MAD1L1: variants seen among roughly 807,000 people sequenced by gnomAD.
The protein encoded by MAD1L1 is mitotic arrest deficient 1 like 1.
A neutral mutation model predicts 96.9 loss-of-function variants in MAD1L1; 95 were observed. The ratio of observed to expected loss-of-function variants is 0.98; its 90% confidence interval spans 0.83 to 1.16. MAD1L1 has a LOEUF of 1.16. Ranked by LOEUF, MAD1L1 falls within the 50% of genes most tolerant of loss-of-function variation. The pLI is 0.00. For missense variants in MAD1L1, 1,007 were observed against 954.4 expected (o/e 1.06, Z -0.73); for synonymous variants, 473 against 396.6 (o/e 1.19, Z -2.29).
chr7:1,845,333 G>C (rs763637039), intron 18 of MAD1L1: 5 of 152,332 alleles, frequency 3.3e-5, no homozygotes, highest in Non-Finnish European at 7.3e-5. Flanking sequence ...TGACCTTGGT[G>C]TGTTACAGCC....
At chr7:2,164,598 G>C (rs1229737858) in intron 10 of MAD1L1, among the ~76,000 whole-genome samples, 40 of 149,298 alleles carry the variant, frequency 2.7e-4, no homozygotes, top group African/African-American at 9.2e-4. Context: ...AAAAATGGGG[G>C]GGGGGGGGGT....
chr7:2,151,654 G>A (rs1789577011), intron 10 of MAD1L1, among the ~76,000 whole-genome samples: 2 of 152,252 alleles, frequency 1.3e-5, no homozygotes, highest in African/African-American at 4.8e-5. Context: ...TGGGAGCTGG[G>A]GTAAGATCTC....
intron 10 of MAD1L1, among the ~76,000 whole-genome samples, chr7:2,199,551 C>G (rs1425334629): frequency 6.6e-6 from 1 of 152,268 alleles, no homozygotes; most frequent in Admixed American, 6.5e-5. Flanking sequence ...AATCACTCTG[C>G]TACACGGATG....
Position 2,230,079 on chromosome 7 carries a change from T to A in MAD1L1, c.55A>T (p.Asn19Tyr), listed in dbSNP as rs1223747452. The A allele has an allele frequency of 6.2e-7, 1 of 1,611,978 alleles. No individual in the cohort carries two copies. Among genetic ancestry groups the A allele is most frequent in the Non-Finnish European group, 8.5e-7 (1 of 1,179,130 alleles). ...CCCTCCACACGCTGAGAGATGAAGTTGTTCAAAGATCTCAGGGTGGATAAA... is the reference window on the plus strand; with the variant it reads ...CCCTCCACACGCTGAGAGATGAAGTAGTTCAAAGATCTCAGGGTGGATAAA... Reference protein sequence around the residue: ...MVLSTLRSLNNFISQRVEGGS... With the variant: ...MVLSTLRSLNYFISQRVEGGS... The change falls in exon 3 of 19, where the codon AAC (asparagine) becomes TAC (tyrosine). Residue 19 changes from asparagine (N) to tyrosine (Y), a missense_variant. Coordinates refer to ENST00000265854, the MANE Select transcript of MAD1L1 (RefSeq NM_001013836.2).
At chr7:2,210,450 T>TGCGGCATGAGCACCACCCCA (rs1562375185) in intron 10 of MAD1L1, among the ~76,000 whole-genome samples, 2 of 134,832 alleles carry the variant, frequency 1.5e-5, no homozygotes, top group Non-Finnish European at 3.3e-5. Context: ...TCCCGTGGAC[T>TGCGGCATGAGCACCACCCCA]CTCTAGGAGC....
Position 2,008,054 on chromosome 7 carries a change from G to A in MAD1L1, c.1360-5933C>T, listed in dbSNP as rs538841786. On this transcript the variant is annotated intron_variant, in intron 13 of 18. Transcript: ENST00000265854. ...CAGACCGGTGTCTCTACGAGCCAGGGGTGGCAGGAAACTGACGGTCAACAT... is the reference window on the plus strand; with the variant it reads ...CAGACCGGTGTCTCTACGAGCCAGGAGTGGCAGGAAACTGACGGTCAACAT... Among the ~76,000 whole-genome samples the A allele has an allele frequency of 3.3e-5, 5 of 152,318 alleles. No homozygotes were observed. In the South Asian group the frequency reaches 1.0e-3, roughly 32 times the overall value.
intron 12 of MAD1L1, among the ~76,000 whole-genome samples, chr7:2,060,504 A>C (rs1784611490): frequency 6.8e-6 from 1 of 147,566 alleles, no homozygotes. Flanking sequence ...GCCGAGACCG[A>C]GATAACGCTA....
At chr7:2,160,495 G>A (rs983754929) in intron 10 of MAD1L1, among the ~76,000 whole-genome samples, 12 of 151,668 alleles carry the variant, frequency 7.9e-5, no homozygotes, top group African/African-American at 2.7e-4. Context: ...ACCATGCCCA[G>A]CTAATTTTTC....
intron 17 of MAD1L1, among the ~76,000 whole-genome samples, chr7:1,900,397 C>T (rs916111516): frequency 6.6e-6 from 1 of 152,212 alleles, no homozygotes; most frequent in Admixed American, 6.5e-5. Flanking sequence ...GGGATGGCAG[C>T]ATTGGCACTG....
At position 2,103,736 on chromosome 7, in the gene MAD1L1, C is replaced by T. The variant is rs1786940567; in HGVS notation, c.1074-34398G>A. On this transcript the variant is annotated intron_variant, in intron 11 of 18. Coordinates refer to ENST00000265854, the MANE Select transcript of MAD1L1 (RefSeq NM_001013836.2). The surrounding 1 kb of genome is among the most constrained non-coding windows in gnomAD (Gnocchi z 4.3). ...AGGGCAGGTGCTGTCCTCCTCCCTG[C>T]CCAGATCCCAGCAGTGTGGCATAAG... Among the ~76,000 whole-genome samples, 1 of 152,194 alleles carries T rather than the reference C, an allele frequency of 6.6e-6. No homozygotes were observed. The highest frequency in any genetic ancestry group is 2.4e-5 in the African/African-American group (1 of 41,448).
chr7:1,831,049 C>G (rs1288849978), intron 18 of MAD1L1, among the ~76,000 whole-genome samples: 1 of 152,288 alleles, frequency 6.6e-6, no homozygotes, highest in East Asian at 1.9e-4. Context: ...GAAGCAGATA[C>G]AGCGTGCTCA....
Position 2,205,815 on chromosome 7 carries a change from C to CCA in MAD1L1, c.986+7396_986+7397insTG, listed in dbSNP as rs567887531. Reference sequence around the variant, plus strand: ...ATCTTTTCATGTCCTTATTTACCACCTATATATCTTCTCTTGTAAAGTATC... The same window carrying CCA: ...ATCTTTTCATGTCCTTATTTACCACCCATATATATCTTCTCTTGTAAAGTATC... On this transcript the variant is annotated intron_variant, in intron 10 of 18. Transcript: ENST00000265854. Among the ~76,000 whole-genome samples the CCA allele has an allele frequency of 4.3e-3, 658 of 152,298 alleles. 8 individuals are homozygous for CCA. The highest frequency in any genetic ancestry group is 0.015 in the African/African-American group (622 of 41,564).
intron 15 of MAD1L1, among the ~76,000 whole-genome samples, chr7:1,978,771 C>G (rs1583979050): frequency 6.6e-6 from 1 of 152,206 alleles, no homozygotes; most frequent in East Asian, 1.9e-4. Flanking sequence ...GTCCCCGAGA[C>G]ATGGAGACGC....
At position 2,008,174 on chromosome 7, in the gene MAD1L1, G is replaced by A. The variant is rs1782121488; in HGVS notation, c.1360-6053C>T. On this transcript the variant is annotated intron_variant, in intron 13 of 18. Transcript: ENST00000265854. ...TAAAACATGGAATCCCCAGAGCTCG[G>A]GGAGAACCACACTCACAAGGGCGAG... Among the ~76,000 whole-genome samples, 4 of 152,320 alleles carry A rather than the reference G, an allele frequency of 2.6e-5. No individual in the cohort carries two copies. In the South Asian group the frequency reaches 8.3e-4, roughly 32 times the overall value.
chr7:2,048,560 T>C (rs1348983635), intron 12 of MAD1L1, among the ~76,000 whole-genome samples: 2 of 152,202 alleles, frequency 1.3e-5, no homozygotes, highest in Non-Finnish European at 2.9e-5. Flanking sequence ...TGAATGGTAA[T>C]AAGCATCAAC....
chr7:2,042,219 G>A lies in MAD1L1; in HGVS notation c.1218+26975C>T, dbSNP rs955038286. ...CATGGACACAGACACGCACACAGAC[G>A]TGCACACACAAGCGCATGCGCACAC... On this transcript the variant is annotated intron_variant, in intron 12 of 18. Transcript: ENST00000265854. Among the ~76,000 whole-genome samples the A allele has an allele frequency of 8.7e-4, 111 of 127,678 alleles. 2 individuals are homozygous for A. Among genetic ancestry groups the A allele is most frequent in the Admixed American group, 8.1e-3 (106 of 13,134 alleles). 83.8% of individuals were successfully genotyped at this position (127,678 alleles called of 152,430 possible).
At chr7:2,110,570 T>G (rs1787328395) in intron 11 of MAD1L1, among the ~76,000 whole-genome samples, 1 of 152,180 alleles carries the variant, frequency 6.6e-6, no homozygotes, top group South Asian at 2.1e-4. Context: ...CTGGAGTGAC[T>G]CAGACGTGCG....
At chr7:2,167,552 A>AAT (rs1562748633) in intron 10 of MAD1L1, among the ~76,000 whole-genome samples, 18 of 150,672 alleles carry the variant, frequency 1.2e-4, no homozygotes, top group African/African-American at 4.4e-4. Flanking sequence ...CCGTCTCAAA[A>AAT]AATAATAATA....
chr7:1,922,591 G>C (rs1788860701), intron 17 of MAD1L1, among the ~76,000 whole-genome samples: 1 of 152,206 alleles, frequency 6.6e-6, no homozygotes, highest in African/African-American at 2.4e-5. Context: ...CCTGTGAAGA[G>C]GAAAAGGGTC....
Sources: gnomAD v4.1 joint callset for allele counts (sites outside exome capture counted in the v4.1 genomes callset) on GRCh38, gnomAD v4.1.1 for gene constraint, Gnocchi (gnomAD v3.1) non-coding constraint, MANE v1.5 for transcripts, NCBI Gene and HGNC (gene_info 2026-07-23, HGNC 2026-07-21) for gene names.